Variants in YY1 observed in about 807,000 individuals in gnomAD.
The protein encoded by YY1 is YY1 transcription factor.
A neutral mutation model predicts 35.6 loss-of-function variants in YY1; 2 were observed. That is an observed-to-expected ratio of 0.06 (90% confidence interval 0.02 to 0.18). The LOEUF is 0.18. Among genes scored for constraint, YY1 ranks in the 10% least tolerant of loss-of-function variants. The pLI, the probability that YY1 is intolerant of heterozygous loss-of-function variation, is 1.00. For synonymous variants in YY1, 268 were observed against 238.9 expected (o/e 1.12, Z -1.12); for missense variants, 322 against 573.4 (o/e 0.56, Z 4.48).
rs28470843 is a variant in YY1 at position 100,276,321 on chromosome 14, T to C, written c.904-169T>C. Reference sequence around the variant, plus strand: ...TTGAATGATGACTTTTTCAGCTGTCTGCTTTTTGTCTTAAATGATATTAAT... The same window carrying C: ...TTGAATGATGACTTTTTCAGCTGTCCGCTTTTTGTCTTAAATGATATTAAT... On this transcript the variant is annotated intron_variant, in intron 3 of 4. Coordinates refer to ENST00000262238, the MANE Select transcript of YY1 (RefSeq NM_003403.5). This position sits in a 1 kb window ranked among gnomAD's most constrained non-coding sequence, Gnocchi z 4.1. The C allele has an allele frequency of 0.36, 321,377 of 880,608 alleles. 62,254 individuals are homozygous for C. The highest frequency in any genetic ancestry group is 0.4 in the Non-Finnish European group (235,285 of 582,578). The allele number at this position is 880,608 out of a possible 1,614,324, so 54.5% of individuals were successfully genotyped here.
chr14:100,250,296 G>C (rs924636153), intron 1 of YY1, among the ~76,000 whole-genome samples: 6 of 152,186 alleles, frequency 3.9e-5, no homozygotes, highest in Non-Finnish European at 8.8e-5. Context: ...TTGCTAAGCA[G>C]TGAATCGCAA....
At position 100,278,667 on chromosome 14, in the gene YY1, G is replaced by GAA. The variant is rs1418785518; in HGVS notation, c.*1069_*1070dup. ...ATACTTCCTACATGTCCTGACTTCT[G>GAA]AAAGAGAGTAGGTAACAGGCATCCC... On this transcript the variant is annotated 3_prime_UTR_variant, in exon 5 of 5. Transcript: ENST00000262238. 2.0e-5 allele frequency: 3 copies of GAA among 152,244 alleles called. No homozygotes were observed. Among genetic ancestry groups the GAA allele is most frequent in the African/African-American group, 7.2e-5 (3 of 41,458 alleles). The allele number at this position is 152,244 out of a possible 1,614,324, so 9.4% of individuals were successfully genotyped here. A position where few individuals can be genotyped will look rare whatever the true frequency, so the allele number is the denominator to read the frequency against.
At chr14:100,268,531 C>T (rs1595330857) in intron 2 of YY1, among the ~76,000 whole-genome samples, 2 of 152,116 alleles carry the variant, frequency 1.3e-5, no homozygotes, top group Non-Finnish European at 2.9e-5. Context: ...ATGGTTAGGC[C>T]AATCCCAAAT....
chr14:100,263,015 C>G (rs1476221970), intron 2 of YY1, among the ~76,000 whole-genome samples: 1 of 152,238 alleles, frequency 6.6e-6, no homozygotes, highest in Admixed American at 6.5e-5. Flanking sequence ...TCAAGCGATT[C>G]TCCTGCCTCA....
At position 100,239,230 on chromosome 14, in the gene YY1, G is replaced by T. The variant is rs759537923; in HGVS notation, c.-15G>T. ...AGCCGAGGCCGCCGCGGCCGTGGCG[G>T]CGGAGCCCTCAGCCATGGCCTCGGG... On this transcript the variant is annotated 5_prime_UTR_variant, in exon 1 of 5. Coordinates refer to ENST00000262238, the MANE Select transcript of YY1 (RefSeq NM_003403.5). The T allele has an allele frequency of 2.7e-6, 4 of 1,491,926 alleles. No individual in the cohort carries two copies. Among genetic ancestry groups the T allele is most frequent in the South Asian group, 2.5e-5 (2 of 79,404 alleles). 92.4% of individuals were successfully genotyped at this position (1,491,926 alleles called of 1,614,324 possible).
At chr14:100,247,942 C>T (rs924987025) in intron 1 of YY1, among the ~76,000 whole-genome samples, 1 of 151,866 alleles carries the variant, frequency 6.6e-6, no homozygotes, top group African/African-American at 2.4e-5. Flanking sequence ...ACAATATACT[C>T]AATTTCTTTC....
intron 1 of YY1, among the ~76,000 whole-genome samples, chr14:100,246,172 G>A (rs746517454): frequency 1.3e-5 from 2 of 152,186 alleles, no homozygotes; most frequent in African/African-American, 2.4e-5. Flanking sequence ...AAGCCAGCAT[G>A]TCCATGGTCA....
chr14:100,248,404 G>A (rs1246126522), intron 1 of YY1, among the ~76,000 whole-genome samples: 2 of 151,888 alleles, frequency 1.3e-5, no homozygotes, highest in East Asian at 3.9e-4. Context: ...TTATAGGCAT[G>A]AGCTACTGTA....
At chr14:100,242,279 A>G (rs1409303026) in intron 1 of YY1, among the ~76,000 whole-genome samples, 1 of 151,878 alleles carries the variant, frequency 6.6e-6, no homozygotes, top group African/African-American at 2.4e-5. Context: ...GGAGTCAGCC[A>G]GTTAGGGGAG....
In YY1 at chr14:100,272,152, C is replaced by T. The variant is rs375831745; in HGVS notation, c.843-2546C>T. ...TCTACAAAAATACAAAAAAATTAGC[C>T]GGGCATGGTGGCGGGCGCCTGTAGT... is the stretch of plus-strand genomic sequence containing the variant. On this transcript the variant is annotated intron_variant, in intron 2 of 4. Coordinates refer to ENST00000262238, the MANE Select transcript of YY1 (RefSeq NM_003403.5). Among the ~76,000 whole-genome samples the T allele has an allele frequency of 9.9e-5, 15 of 151,880 alleles. No homozygotes were observed. In the East Asian group the frequency reaches 1.5e-3, roughly 16 times the overall value.
intron 1 of YY1, 125 bp from the exon 2 acceptor site, chr14:100,262,174 AGGGAG>A: frequency 1.0e-5 from 9 of 895,044 alleles, no homozygotes; most frequent in South Asian, 3.2e-5. Context: ...AAAAAAAAAA[AGGGAG>A]AGGGGAGAAC....
intron 2 of YY1, among the ~76,000 whole-genome samples, chr14:100,274,189 C>G (rs1891287534): frequency 6.6e-6 from 1 of 152,084 alleles, no homozygotes; most frequent in African/African-American, 2.4e-5. Context: ...TTTTAAAGAT[C>G]ATTCGTGTCA....
chr14:100,277,734 G>T lies in YY1; in HGVS notation c.*134G>T. The stretch of plus-strand genomic sequence containing the variant: ...TGAATCCTACACACCTAAGGGACAT[G>T]TTTTGATAAAGTAGTAAAAATTAAA... On this transcript the variant is annotated 3_prime_UTR_variant, in exon 5 of 5. Transcript: ENST00000262238. The surrounding 1 kb of genome is among the most constrained non-coding windows in gnomAD (Gnocchi z 5.6). 1 of 954,500 alleles carries T rather than the reference G, an allele frequency of 1.0e-6. No homozygotes were observed. The highest frequency in any genetic ancestry group is 1.6e-6 in the Non-Finnish European group (1 of 641,786). The allele number at this position is 954,500 out of a possible 1,614,324, so 59.1% of individuals were successfully genotyped here.
rs1890992853 is a variant in YY1 at position 100,255,544 on chromosome 14, G to A, written c.680-6760G>A. ...TGAGGCAGGAGAATCACTTGAACCAGGGAGGCAGAGGTTGCGGTGAGCCAA... is the reference window on the plus strand; with the variant it reads ...TGAGGCAGGAGAATCACTTGAACCAAGGAGGCAGAGGTTGCGGTGAGCCAA... On this transcript the variant is annotated intron_variant, in intron 1 of 4. Transcript: ENST00000262238. Among the ~76,000 whole-genome samples, 7 of 152,276 alleles carry A rather than the reference G, an allele frequency of 4.6e-5. No homozygotes were observed. In the South Asian group the frequency reaches 1.5e-3, roughly 32 times the overall value.
chr14:100,240,077 C>CGGCGGCG (rs921649072), intron 1 of YY1, among the ~76,000 whole-genome samples, 154 bp downstream of exon 1: 11 of 143,342 alleles, frequency 7.7e-5, no homozygotes, highest in African/African-American at 2.3e-4. Context: ...GGCGCGGCGG[C>CGGCGGCG]GGCGGCGGGC....
At chr14:100,265,469 A>AG (rs1166606309) in intron 2 of YY1, 5 of 152,254 alleles carry the variant, frequency 3.3e-5, no homozygotes, top group African/African-American at 7.2e-5. Context: ...AGTTGGGGGC[A>AG]GGGGGGAGGA....
intron 1 of YY1, among the ~76,000 whole-genome samples, chr14:100,248,539 T>C (rs1263548174): frequency 6.6e-6 from 1 of 152,156 alleles, no homozygotes; most frequent in African/African-American, 2.4e-5. Flanking sequence ...TTGTTGAAAC[T>C]GGAGTGCACT....
chr14:100,276,920 C>T lies in YY1; in HGVS notation c.1062+272C>T, dbSNP rs1891328450. 1 of 506,626 alleles carries T rather than the reference C, an allele frequency of 2.0e-6. No homozygotes were observed. Among genetic ancestry groups the T allele is most frequent in the African/African-American group, 1.9e-5 (1 of 52,062 alleles). 31.4% of individuals were successfully genotyped at this position (506,626 alleles called of 1,614,324 possible). A position where few individuals can be genotyped will look rare whatever the true frequency, so the allele number is the denominator to read the frequency against. On this transcript the variant is annotated intron_variant, in intron 4 of 4. Coordinates refer to ENST00000262238, the MANE Select transcript of YY1 (RefSeq NM_003403.5). The surrounding 1 kb of genome is among the most constrained non-coding windows in gnomAD (Gnocchi z 4.1). Reference sequence around the variant, plus strand: ...GAGGAGAACAGGATTGAAGAGCATACCTAAAACTCAATTTCTACTTCATTC... The same window carrying T: ...GAGGAGAACAGGATTGAAGAGCATATCTAAAACTCAATTTCTACTTCATTC...
At chr14:100,254,455 C>A (rs1339204875) in intron 1 of YY1, among the ~76,000 whole-genome samples, 1 of 151,938 alleles carries the variant, frequency 6.6e-6, no homozygotes, top group East Asian at 1.9e-4. Flanking sequence ...CTATATGTTT[C>A]TTTTCTCTTT....
Sources: gnomAD v4.1 joint callset for allele counts (sites outside exome capture counted in the v4.1 genomes callset) on GRCh38, gnomAD v4.1.1 for gene constraint, Gnocchi (gnomAD v3.1) non-coding constraint, MANE v1.5 for transcripts, NCBI Gene and HGNC (gene_info 2026-07-23, HGNC 2026-07-21) for gene names.